SNX25: variants seen among roughly 807,000 people sequenced by gnomAD.
SNX25 encodes sorting nexin-25.
SNX25 carries 62 observed loss-of-function variants against 113.7 expected under a neutral mutation model. The observed-to-expected ratio is 0.55, with a 90% CI of 0.44 to 0.67. SNX25 has a LOEUF of 0.67. Among genes scored for constraint, SNX25 ranks in the 30% least tolerant of loss-of-function variants. SNX25 has a pLI of 0.00. For missense variants in SNX25, 1,014 were observed against 1,161.0 expected (o/e 0.87, Z 1.84); for synonymous variants, 421 against 436.2 (o/e 0.97, Z 0.43).
chr4:185,363,270 T>G lies in SNX25; in HGVS notation c.2935-115T>G, dbSNP rs1484763931. The G allele has an allele frequency of 4.7e-6, 4 of 855,520 alleles. No homozygotes were observed. Among genetic ancestry groups the G allele is most frequent in the African/African-American group, 1.7e-5 (1 of 58,590 alleles). 53.0% of individuals were successfully genotyped at this position (855,520 alleles called of 1,614,324 possible). A position where few individuals can be genotyped will look rare whatever the true frequency, so the allele number is the denominator to read the frequency against. Reference sequence around the variant, plus strand: ...AAATACTGTTTGAGAGTTACTTGTTTACTGAGATAATTTCAGACCTAAAAT... The same window carrying G: ...AAATACTGTTTGAGAGTTACTTGTTGACTGAGATAATTTCAGACCTAAAAT... On this transcript the variant is annotated intron_variant, in intron 18 of 18. Coordinates refer to ENST00000652585, the MANE Select transcript of SNX25 (RefSeq NM_001378034.2). This position sits in a 1 kb window ranked among gnomAD's most constrained non-coding sequence, Gnocchi z 4.2.
At chr4:185,369,927 G>A in exon 12 of SNX25, 1 of 290,662 alleles carries the variant, frequency 3.4e-6, no homozygotes, top group South Asian at 3.3e-5. Flanking sequence ...CCCCCACTCA[G>A]GCTGAACAAT....
upstream of SNX25, among the ~76,000 whole-genome samples, chr4:185,206,660 CAAAAAAAAA>C (rs375061067): frequency 6.5e-5 from 5 of 77,438 alleles, no homozygotes; most frequent in African/African-American, 1.0e-4. Flanking sequence ...ACTCTTGTCT[CAAAAAAAAA>C]AAAAAAAAAA....
At chr4:185,317,945 T>C (rs1425733705) in intron 7 of SNX25, among the ~76,000 whole-genome samples, 1 of 151,824 alleles carries the variant, frequency 6.6e-6, no homozygotes, top group Admixed American at 6.6e-5. Context: ...TAAAGTAAAA[T>C]TTAAAAAAAG....
Position 185,351,750 on chromosome 4 carries a change from A to G in SNX25, c.2466+141A>G. On this transcript the variant is annotated intron_variant, in intron 14 of 18. Transcript: ENST00000652585. ...TTGAGGCACCTGCTTGTATTTCTGT[A>G]TCTTAATTCTTCCAAGTGACTTGCA... The G allele has an allele frequency of 5.6e-6, 5 of 893,192 alleles. No individual in the cohort carries two copies. The South Asian group carries it at 8.9e-5, about 16-fold the overall frequency. The allele number at this position is 893,192 out of a possible 1,614,324, so 55.3% of individuals were successfully genotyped here.
At chr4:185,376,955 C>A in the SNX25 span, 13 of 1,613,972 alleles carry the variant, frequency 8.1e-6, no homozygotes, top group Non-Finnish European at 1.0e-5. Context: ...CAGAGTGTCT[C>A]CTTTCAGTAT....
At position 185,336,218 on chromosome 4, in the gene SNX25, G is replaced by A. The variant is rs532924556; in HGVS notation, c.1915-3161G>A. Among the ~76,000 whole-genome samples, 11 of 152,154 alleles carry A rather than the reference G, an allele frequency of 7.2e-5. No individual in the cohort carries two copies. In the East Asian group the frequency reaches 1.9e-3, roughly 27 times the overall value. On this transcript the variant is annotated intron_variant, in intron 10 of 18. Coordinates refer to ENST00000652585, the MANE Select transcript of SNX25 (RefSeq NM_001378034.2). ...GTTTTTAGGGAGCAGGTGGTGTTTG[G>A]TTACATGAATAAATTTTTTAGTGGT...
chr4:185,271,051 C>T (rs929406426), intron 5 of SNX25, among the ~76,000 whole-genome samples: 2 of 152,170 alleles, frequency 1.3e-5, no homozygotes, highest in Admixed American at 1.3e-4. Context: ...TTCCTAACCT[C>T]TTCCTAGTAT....
chr4:185,264,473 C>A lies in SNX25; in HGVS notation c.767C>A (p.Ala256Glu), dbSNP rs1191029820. ...EEQPRPFVLHACLRNSDDEVR... is the reference protein window; with the variant it reads ...EEQPRPFVLHECLRNSDDEVR... Reference sequence around the variant, plus strand: ...CAGCCAAGACCTTTTGTGTTGCACGCATGCTTGAGGAACTCAGATGATGAA... The same window carrying A: ...CAGCCAAGACCTTTTGTGTTGCACGAATGCTTGAGGAACTCAGATGATGAA... The change falls in exon 4 of 19, where the codon GCA (alanine) becomes GAA (glutamate). Residue 256 changes from alanine (A) to glutamate (E), a missense_variant. Ala to Glu is a moderately radical substitution (Grantham distance 107, BLOSUM62 -1). Transcript: ENST00000652585. 1 of 1,613,498 alleles carries A rather than the reference C, an allele frequency of 6.2e-7. No homozygotes were observed. The highest frequency in any genetic ancestry group is 1.3e-5 in the African/African-American group (1 of 74,912).
the SNX25 span, chr4:185,378,129 AC>A: frequency 6.2e-7 from 1 of 1,614,080 alleles, no homozygotes; most frequent in Non-Finnish European, 8.5e-7. Context: ...TTAGCAGCAT[AC>A]TGAGATACAG....
chr4:185,245,411 C>G (rs1442086997), intron 1 of SNX25, among the ~76,000 whole-genome samples: 1 of 151,908 alleles, frequency 6.6e-6, no homozygotes, highest in Non-Finnish European at 1.5e-5. Flanking sequence ...GATCTCAACT[C>G]ACTGCAACCT....
At chr4:185,371,774 G>A (rs548399477), downstream of SNX25, among the ~76,000 whole-genome samples, 79 of 152,272 alleles carry the variant, frequency 5.2e-4, no homozygotes, top group African/African-American at 1.8e-3. Context: ...AATCACTCCT[G>A]TAAGTGGTCT....
chr4:185,292,764 T>G (rs1187870243), intron 6 of SNX25, among the ~76,000 whole-genome samples: 3 of 152,008 alleles, frequency 2.0e-5, no homozygotes, highest in Admixed American at 1.3e-4. Context: ...TACAAAAAAA[T>G]TTTTAAAAAT....
intron 7 of SNX25, among the ~76,000 whole-genome samples, chr4:185,313,749 G>A (rs894836799): frequency 6.6e-6 from 1 of 152,114 alleles, no homozygotes; most frequent in African/African-American, 2.4e-5. Flanking sequence ...TCTCCCCTGA[G>A]CAAAAATTCA....
At chr4:185,319,844 A>G (rs1310002070) in intron 7 of SNX25, among the ~76,000 whole-genome samples, 2 of 152,186 alleles carry the variant, frequency 1.3e-5, no homozygotes, top group African/African-American at 4.8e-5. Flanking sequence ...ACTATATTAC[A>G]TCAACTCTGA....
At position 185,266,965 on chromosome 4, in the gene SNX25, G is replaced by C. The variant is rs773357578; in HGVS notation, c.905-4G>C. ...TCAGTGGCTATTTCTTCTTCTTCCTGTAGTCTTGAAGCCGGTAGTGGAGTT... is the reference window on the plus strand; with the variant it reads ...TCAGTGGCTATTTCTTCTTCTTCCTCTAGTCTTGAAGCCGGTAGTGGAGTT... On this transcript the variant is annotated splice_region_variant and splice_polypyrimidine_tract_variant and intron_variant, in intron 4 of 18. Transcript: ENST00000652585. The C allele has an allele frequency of 7.5e-6, 12 of 1,608,520 alleles. No individual in the cohort carries two copies. The highest frequency in any genetic ancestry group is 1.0e-5 in the Non-Finnish European group (12 of 1,177,594).
intron 5 of SNX25, among the ~76,000 whole-genome samples, chr4:185,269,358 A>G (rs1048540895): frequency 6.6e-6 from 1 of 152,146 alleles, no homozygotes; most frequent in East Asian, 1.9e-4. Flanking sequence ...CTGTTCCTGG[A>G]TTTGCTGTGC....
chr4:185,278,551 G>A (rs984652697), intron 5 of SNX25, among the ~76,000 whole-genome samples: 1 of 152,038 alleles, frequency 6.6e-6, no homozygotes, highest in African/African-American at 2.4e-5. Context: ...TAGTCTTTCA[G>A]TGAGAGCTAA....
upstream of SNX25, among the ~76,000 whole-genome samples, chr4:185,206,628 C>T (rs1302896237): frequency 4.4e-5 from 6 of 135,222 alleles, no homozygotes; most frequent in African/African-American, 1.7e-4. Context: ...CATTGCACTC[C>T]AGCCTGGGTA....
At chr4:185,347,823 T>A (rs907656692) in intron 13 of SNX25, among the ~76,000 whole-genome samples, 29 of 152,218 alleles carry the variant, frequency 1.9e-4, no homozygotes, top group Non-Finnish European at 3.8e-4. Context: ...TCCATAATGT[T>A]TTATGGGTTT....
Sources: gnomAD v4.1 joint callset for allele counts (sites outside exome capture counted in the v4.1 genomes callset) on GRCh38, gnomAD v4.1.1 for gene constraint, Gnocchi (gnomAD v3.1) non-coding constraint, MANE v1.5 for transcripts, NCBI Gene and HGNC (gene_info 2026-07-23, HGNC 2026-07-21) for gene names.